Variants in SLC7A5 observed in about 807,000 individuals in gnomAD.
SLC7A5 encodes the protein large neutral amino acids transporter small subunit 1.
A neutral mutation model predicts 50.2 loss-of-function variants in SLC7A5; 23 were observed. The ratio of observed to expected loss-of-function variants is 0.46; its 90% CI spans 0.33 to 0.65. The LOEUF (loss-of-function observed/expected upper bound fraction) is 0.65. SLC7A5 is among the 30% of genes least tolerant of loss of function. The probability of loss-of-function intolerance (pLI) is 0.02; values close to 1 mark genes in which losing one functional copy is unlikely to be tolerated. For missense variants in SLC7A5, 578 were observed against 684.4 expected (o/e 0.84, Z 1.73); for synonymous variants, 393 against 330.6 (o/e 1.19, Z -2.05).
intron 7 of SLC7A5, chr16:87,836,935 G>A (rs1470304849): frequency 4.2e-6 from 2 of 478,072 alleles, no homozygotes; most frequent in Non-Finnish European, 7.7e-6. Context: ...TTAAGGACAG[G>A]TGAAGAACAC....
In SLC7A5 at chr16:87,869,504, G is replaced by A. The variant is rs1401204379; in HGVS notation, c.-82C>T. On this transcript the variant is annotated 5_prime_UTR_variant, in exon 1 of 10. Coordinates refer to ENST00000261622, the MANE Select transcript of SLC7A5 (RefSeq NM_003486.7). The stretch of plus-strand genomic sequence containing the variant: ...TGCGCGCCGCCCGCCGCCCGCAGCT[G>A]CGTCAGGAACCCCGCCCGCGCCGCC... 89 of 1,079,734 alleles carry A rather than the reference G, an allele frequency of 8.2e-5. No homozygotes were observed. The highest frequency in any genetic ancestry group is 9.1e-5 in the Non-Finnish European group (80 of 879,754). 66.9% of individuals were successfully genotyped at this position (1,079,734 alleles called of 1,614,324 possible).
At chr16:87,847,757 C>T (rs189737730) in intron 2 of SLC7A5, among the ~76,000 whole-genome samples, 32 of 152,266 alleles carry the variant, frequency 2.1e-4, no homozygotes, top group African/African-American at 7.5e-4. Context: ...CTGCTCACGG[C>T]TGTGGGACCT....
intron 1 of SLC7A5, among the ~76,000 whole-genome samples, chr16:87,856,674 G>A (rs951276607): frequency 6.6e-6 from 1 of 152,206 alleles, no homozygotes; most frequent in Admixed American, 6.5e-5. Flanking sequence ...ACAGGGCCCC[G>A]AACTTGGTGG....
rs2055427389 is a variant in SLC7A5, at chr16:87,863,888, T to C, written c.538+4997A>G. Among the ~76,000 whole-genome samples, 3 of 150,432 alleles carry C rather than the reference T, an allele frequency of 2.0e-5. No homozygotes were observed. In the Admixed American group the frequency reaches 2.0e-4, roughly 10 times the overall value. On this transcript the variant is annotated intron_variant, in intron 1 of 9. Transcript: ENST00000261622. ...TCCAGACCCGAAAGCCACTGTACCTTCTGTAGGATCAGGCTCAAGGAATAA... is the reference window on the plus strand; with the variant it reads ...TCCAGACCCGAAAGCCACTGTACCTCCTGTAGGATCAGGCTCAAGGAATAA...
At chr16:87,854,758 G>C (rs1456801447) in intron 1 of SLC7A5, among the ~76,000 whole-genome samples, 1 of 152,258 alleles carries the variant, frequency 6.6e-6, no homozygotes, top group Non-Finnish European at 1.5e-5. Flanking sequence ...GGCTGAGCTG[G>C]GGGCCCCTCC....
intron 4 of SLC7A5, among the ~76,000 whole-genome samples, 178 bp from the exon 5 acceptor site, chr16:87,840,003 G>A (rs1313422864): frequency 6.6e-6 from 1 of 152,232 alleles, no homozygotes; most frequent in East Asian, 1.9e-4. Flanking sequence ...TGTGCCTGGA[G>A]CGGGACACTG....
In SLC7A5 at chr16:87,851,740, G is replaced by T. The variant is rs745656437; in HGVS notation, c.648C>A (p.Phe216Leu). 4 of 1,612,936 alleles carry T rather than the reference G, an allele frequency of 2.5e-6. No individual in the cohort carries two copies. In the East Asian group the frequency reaches 8.9e-5, roughly 36 times the overall value. ...CGTACTCACCCTTCCCGATCTGGAC[G>T]AAGCCCAGCAGGATGATCAGGGCCA... ...LALALIILLG[F>L]VQIGKGDVSN... The change falls in exon 2 of 10, where the codon TTC (phenylalanine) becomes TTA (leucine). Residue 216 changes from phenylalanine (F) to leucine (L), a missense_variant. Physicochemically the swap from Phe to Leu is conservative, Grantham distance 22. Coordinates refer to ENST00000261622, the MANE Select transcript of SLC7A5 (RefSeq NM_003486.7).
In SLC7A5 at chr16:87,851,121, G is replaced by T. The variant is rs7196771; in HGVS notation, c.664+603C>A. Among the ~76,000 whole-genome samples the T allele has an allele frequency of 4.9e-3, 745 of 151,936 alleles. 14 individuals carry two copies. Among genetic ancestry groups the T allele is most frequent in the African/African-American group, 0.017 (697 of 41,584 alleles). On this transcript the variant is annotated intron_variant, in intron 2 of 9. Coordinates refer to ENST00000261622, the MANE Select transcript of SLC7A5 (RefSeq NM_003486.7). ...AGCCTTAAAACCTGTGCGCCAGACT[G>T]CTCTCACCTGTTCCCGAATGCTAAC...
rs538599358 is a variant in SLC7A5 at position 87,849,777 on chromosome 16, C to T, written c.664+1947G>A. Among the ~76,000 whole-genome samples, 7 of 152,240 alleles carry T rather than the reference C, an allele frequency of 4.6e-5. No homozygotes were observed. The South Asian group carries it at 1.5e-3, about 32-fold the overall frequency. On this transcript the variant is annotated intron_variant, in intron 2 of 9. Transcript: ENST00000261622. ...TCAGAATTGGGACTTCCTGCCAGCCCTGTCCTGCCAGCTCTTGGGTGGCTC... is the reference window on the plus strand; with the variant it reads ...TCAGAATTGGGACTTCCTGCCAGCCTTGTCCTGCCAGCTCTTGGGTGGCTC...
At chr16:87,865,622 G>A (rs1048844450) in intron 1 of SLC7A5, among the ~76,000 whole-genome samples, 10 of 152,116 alleles carry the variant, frequency 6.6e-5, no homozygotes, top group Admixed American at 6.5e-5. Context: ...CAGGAGAGTC[G>A]CTTGAACCCG....
At position 87,842,479 on chromosome 16, in the gene SLC7A5, G is replaced by T. The variant is rs138593908; in HGVS notation, c.665-1324C>A. ...TTGGCAATTACCCCAAACAAAGTGC[G>T]CACTTCAAAGGTGGCACCAGATTTC... On this transcript the variant is annotated intron_variant, in intron 2 of 9. Coordinates refer to ENST00000261622, the MANE Select transcript of SLC7A5 (RefSeq NM_003486.7). Among the ~76,000 whole-genome samples the T allele has an allele frequency of 1.1e-3, 174 of 152,358 alleles. 1 individual carries two copies. The highest frequency in any genetic ancestry group is 3.4e-3 in the Middle Eastern group (1 of 294).
chr16:87,867,844 G>A (rs981840377), intron 1 of SLC7A5, among the ~76,000 whole-genome samples: 2 of 152,128 alleles, frequency 1.3e-5, no homozygotes, highest in African/African-American at 4.8e-5. Flanking sequence ...GGCCGGGCAC[G>A]GTGGCTCACG....
intron 1 of SLC7A5, among the ~76,000 whole-genome samples, chr16:87,866,264 T>C (rs978770461): frequency 2.6e-5 from 4 of 152,068 alleles, no homozygotes; most frequent in African/African-American, 7.2e-5. Context: ...TTTAAATAAA[T>C]AGGCCAGCGA....
At chr16:87,849,229 C>A (rs1428816071) in intron 2 of SLC7A5, among the ~76,000 whole-genome samples, 1 of 118,866 alleles carries the variant, frequency 8.4e-6, no homozygotes, top group Non-Finnish European at 1.7e-5. Flanking sequence ...TTTGCGTCCA[C>A]TGGGGGGTAT....
At chr16:87,855,578 C>T (rs549302835) in intron 1 of SLC7A5, among the ~76,000 whole-genome samples, 2 of 152,104 alleles carry the variant, frequency 1.3e-5, no homozygotes, top group Admixed American at 6.5e-5. Flanking sequence ...GCCTGATGCC[C>T]GTGAACGCTC....
At chr16:87,846,699 G>A (rs375415373) in intron 2 of SLC7A5, among the ~76,000 whole-genome samples, 4 of 152,126 alleles carry the variant, frequency 2.6e-5, no homozygotes, top group African/African-American at 7.2e-5. Flanking sequence ...GCCTCTCACC[G>A]ACTCTCCCGC....
At chr16:87,867,516 C>A (rs945042152) in intron 1 of SLC7A5, among the ~76,000 whole-genome samples, 20 of 152,132 alleles carry the variant, frequency 1.3e-4, no homozygotes, top group Non-Finnish European at 2.6e-4. Flanking sequence ...CTGAGTCTTG[C>A]CCTCGGGGCA....
intron 8 of SLC7A5, among the ~76,000 whole-genome samples, chr16:87,835,762 C>G (rs923995441): frequency 2.6e-5 from 4 of 152,236 alleles, no homozygotes; most frequent in Non-Finnish European, 5.9e-5. Context: ...GCGTGAGCCA[C>G]CGCGCCCAGC....
chr16:87,864,814 T>C (rs958987245), intron 1 of SLC7A5, among the ~76,000 whole-genome samples: 2 of 152,230 alleles, frequency 1.3e-5, no homozygotes, highest in Non-Finnish European at 2.9e-5. Flanking sequence ...ACAGACATTG[T>C]GGACTTCCCA....
Sources: allele counts gnomAD v4.1 joint callset (sites outside exome capture counted in the v4.1 genomes callset), GRCh38; gene constraint gnomAD v4.1.1; transcripts MANE v1.5; gene names NCBI Gene and HGNC (gene_info 2026-07-23, HGNC 2026-07-21).